FGF18: variants seen among roughly 807,000 people sequenced by gnomAD.
FGF18 encodes the protein fibroblast growth factor 18.
FGF18 carries 5 observed loss-of-function variants against 23.0 expected under a neutral mutation model. The observed-to-expected ratio is 0.22, with a 90% CI of 0.11 to 0.46. The LOEUF is 0.46. Ranked by LOEUF, FGF18 falls within the 20% of genes least tolerant of loss-of-function variation. FGF18 has a pLI of 0.99. For synonymous variants in FGF18, 117 were observed against 118.9 expected (o/e 0.98, Z 0.10); for missense variants, 180 against 291.6 (o/e 0.62, Z 2.79).
In FGF18 at chr5:171,449,057, A is replaced by G; in HGVS notation, c.251-90A>G. The G allele has an allele frequency of 3.1e-6, 3 of 953,388 alleles. No homozygotes were observed. In the South Asian group the frequency reaches 4.1e-5, roughly 13 times the overall value. The allele number at this position is 953,388 out of a possible 1,614,324, so 59.1% of individuals were successfully genotyped here. A position where few individuals can be genotyped will look rare whatever the true frequency, so the allele number is the denominator to read the frequency against. On this transcript the variant is annotated intron_variant, in intron 3 of 4. Transcript: ENST00000274625. ...ATTTTGGGGGAGTGAGGGACCAAAGATAGGACCAGGGACCATGTCACTGAG... is the reference window on the plus strand; with the variant it reads ...ATTTTGGGGGAGTGAGGGACCAAAGGTAGGACCAGGGACCATGTCACTGAG...
intron 1 of FGF18, 32 bp downstream of exon 1, chr5:171,420,263 G>T: frequency 6.3e-7 from 1 of 1,597,822 alleles, no homozygotes. Flanking sequence ...TGCCCACCTT[G>T]CCTGGCTGTC....
At chr5:171,446,523 T>C (rs1202759930) in intron 3 of FGF18, among the ~76,000 whole-genome samples, 1 of 152,120 alleles carries the variant, frequency 6.6e-6, no homozygotes, top group Non-Finnish European at 1.5e-5. Flanking sequence ...CAGTGCACTG[T>C]AAGGGGAGCA....
In FGF18 at chr5:171,434,265, G is replaced by A. The variant is rs1031867810; in HGVS notation, c.70-1828G>A. 1.3e-5 allele frequency among the ~76,000 whole-genome samples: 2 copies of A among 152,232 alleles called. No homozygotes were observed. The highest frequency in any genetic ancestry group is 1.3e-4 in the Admixed American group (2 of 15,286). ...AGCTGACAGTTTCCTCATCCATAAT[G>A]TGGGATGATGCTTCCACCCTGAGGA... On this transcript the variant is annotated intron_variant, in intron 2 of 4. Coordinates refer to ENST00000274625, the MANE Select transcript of FGF18 (RefSeq NM_003862.3). The surrounding 1 kb of genome is among the most constrained non-coding windows in gnomAD (Gnocchi z 4.6).
intron 2 of FGF18, among the ~76,000 whole-genome samples, chr5:171,430,794 CAA>C (rs566577499): frequency 2.8e-4 from 15 of 53,842 alleles, no homozygotes; most frequent in Admixed American, 3.7e-4. Flanking sequence ...GACTCCGTCT[CAA>C]AAAAAAAAAA....
In FGF18 at chr5:171,436,390, G is replaced by C. The variant is rs552344374; in HGVS notation, c.250+117G>C. 3.9e-6 allele frequency: 3 copies of C among 771,660 alleles called. No homozygotes were observed. The highest frequency in any genetic ancestry group is 6.5e-5 in the South Asian group (2 of 30,874). 47.8% of individuals were successfully genotyped at this position (771,660 alleles called of 1,614,324 possible). A position where few individuals can be genotyped will look rare whatever the true frequency, so the allele number is the denominator to read the frequency against. On this transcript the variant is annotated intron_variant, in intron 3 of 4. Transcript: ENST00000274625. This position sits in a 1 kb window ranked among gnomAD's most constrained non-coding sequence, Gnocchi z 4.4. ...CTCCTGGCTGTGTGATCTTGGACCT[G>C]GCACTGACCCTTTCTGGGTCTGTTT... is the stretch of plus-strand genomic sequence containing the variant.
chr5:171,420,494 C>G (rs776884559), intron 2 of FGF18, 51 bp downstream of exon 2: 1 of 1,559,552 alleles, frequency 6.4e-7, no homozygotes, highest in Non-Finnish European at 8.8e-7. Context: ...TCGCGGTACA[C>G]GCCGACCCCC....
chr5:171,436,133 T>C lies in FGF18; in HGVS notation c.110T>C (p.Val37Ala). 1 of 1,582,300 alleles carries C rather than the reference T, an allele frequency of 6.3e-7. No individual in the cohort carries two copies. The highest frequency in any genetic ancestry group is 8.6e-7 in the Non-Finnish European group (1 of 1,160,266). ...GAGAACGTGGACTTCCGCATCCACGTGGAGAACCAGACGCGGGCTCGGGAC... is the reference window on the plus strand; with the variant it reads ...GAGAACGTGGACTTCCGCATCCACGCGGAGAACCAGACGCGGGCTCGGGAC... ...AEENVDFRIH[V>A]ENQTRARDDV... is the part of the protein sequence containing the mutation. The change falls in exon 3 of 5, where the codon GTG becomes GCG. Residue 37 changes from valine (V) to alanine (A), a missense_variant. Physicochemically the swap from Val to Ala is moderately conservative, Grantham distance 64. Around this residue, in one of 3 missense-constraint regions of FGF18, gnomAD observed 57 missense variants for 59.8 expected, o/e 0.95. Transcript: ENST00000274625. The surrounding 1 kb of genome is among the most constrained non-coding windows in gnomAD (Gnocchi z 4.4).
chr5:171,445,544 T>C (rs905298837), intron 3 of FGF18, among the ~76,000 whole-genome samples: 3 of 151,670 alleles, frequency 2.0e-5, no homozygotes, highest in Admixed American at 2.0e-4. Context: ...GTTTTTTTTT[T>C]TAGTAGAGAT....
intron 4 of FGF18, among the ~76,000 whole-genome samples, chr5:171,455,713 T>C (rs554368049): frequency 6.6e-6 from 1 of 152,292 alleles, no homozygotes; most frequent in South Asian, 2.1e-4. Flanking sequence ...AATCCACCTA[T>C]GTTTGGGGTT....
At chr5:171,449,390 TGTGTGTGTGTGA>T (rs1320364775) in intron 4 of FGF18, 137 bp downstream of exon 4, 67 of 518,144 alleles carry the variant, frequency 1.3e-4, no homozygotes, top group African/African-American at 4.8e-4. Context: ...TGTGTGTGTG[TGTGTGTGTGTGA>T]GAGAGAGAGA....
intron 3 of FGF18, among the ~76,000 whole-genome samples, chr5:171,447,774 C>T (rs1772440314): frequency 6.6e-6 from 1 of 152,048 alleles, no homozygotes. Flanking sequence ...CTCTTTGTGG[C>T]TCCAAGGATA....
chr5:171,455,473 C>T (rs1249165130), intron 4 of FGF18, among the ~76,000 whole-genome samples: 2 of 152,172 alleles, frequency 1.3e-5, no homozygotes, highest in Admixed American at 1.3e-4. Context: ...AACACAGTAT[C>T]ACCTGTTTTA....
At chr5:171,428,839 C>T (rs911585748) in intron 2 of FGF18, among the ~76,000 whole-genome samples, 3 of 152,194 alleles carry the variant, frequency 2.0e-5, no homozygotes, top group East Asian at 1.9e-4. Flanking sequence ...TGGGTCTTTA[C>T]GGCTCCAGGG....
chr5:171,430,648 C>T (rs1408126776), intron 2 of FGF18, among the ~76,000 whole-genome samples: 3 of 147,884 alleles, frequency 2.0e-5, no homozygotes, highest in Non-Finnish European at 3.0e-5. Flanking sequence ...ATTAGCCGGG[C>T]GCGGTGGCGG....
At chr5:171,430,297 G>A (rs1390674363) in intron 2 of FGF18, among the ~76,000 whole-genome samples, 3 of 149,458 alleles carry the variant, frequency 2.0e-5, no homozygotes, top group Non-Finnish European at 3.0e-5. Context: ...GGCGGAGATT[G>A]CAGTGAGCCA....
chr5:171,428,331 C>T (rs75831829), intron 2 of FGF18, among the ~76,000 whole-genome samples: 36,816 of 152,010 alleles, frequency 0.24, 4,567 homozygotes, highest in Middle Eastern at 0.29. Context: ...ACAGAGAGGG[C>T]CAGCACCTAT....
At chr5:171,438,478 C>T (rs566090540) in intron 3 of FGF18, among the ~76,000 whole-genome samples, 151 of 152,136 alleles carry the variant, frequency 9.9e-4, no homozygotes, top group African/African-American at 3.4e-3. Context: ...CAGTGGGTCT[C>T]GGGGGCGAGG....
chr5:171,441,208 G>A (rs189272236), intron 3 of FGF18, among the ~76,000 whole-genome samples: 19 of 152,288 alleles, frequency 1.2e-4, no homozygotes, highest in African/African-American at 3.9e-4. Context: ...AGTGGCTGAC[G>A]TAGCAGGGAC....
intron 2 of FGF18, among the ~76,000 whole-genome samples, chr5:171,422,213 G>A (rs572361054): frequency 6.6e-6 from 1 of 152,178 alleles, no homozygotes; most frequent in Non-Finnish European, 1.5e-5. Context: ...TGTGGACTCT[G>A]CATCCCACCT....
Sources: allele counts gnomAD v4.1 joint callset (sites outside exome capture counted in the v4.1 genomes callset), GRCh38; gene constraint gnomAD v4.1.1; regional missense constraint gnomAD v4.1.1; non-coding constraint Gnocchi (gnomAD v3.1); transcripts MANE v1.5; gene names NCBI Gene and HGNC (gene_info 2026-07-23, HGNC 2026-07-21).